Variants in SPIDR observed in about 807,000 individuals in gnomAD.
SPIDR encodes the protein scaffold protein involved in DNA repair, also known as DNA repair-scaffolding protein.
A neutral mutation model predicts 104.6 loss-of-function variants in SPIDR; 93 were observed. The ratio of observed to expected loss-of-function variants is 0.89; its 90% CI spans 0.75 to 1.06. The LOEUF (loss-of-function observed/expected upper bound fraction) is 1.06. Among genes scored for constraint, SPIDR ranks in the 50% least tolerant of loss-of-function variants. The probability of loss-of-function intolerance (pLI) is 0.00; values close to 1 mark genes in which losing one functional copy is unlikely to be tolerated. For missense variants in SPIDR, 1,154 were observed against 1,111.2 expected, an observed-to-expected ratio of 1.04 and a Z score of -0.55; for synonymous variants, 431 against 416.9, an observed-to-expected ratio of 1.03 and a Z score of -0.41.
At chr8:47,389,423 C>T (rs2060309164) in intron 5 of SPIDR, among the ~76,000 whole-genome samples, 1 of 152,136 alleles carries the variant, frequency 6.6e-6, no homozygotes, top group African/African-American at 2.4e-5. Context: ...GGCACGGTGG[C>T]TCACACCTGT....
intron 8 of SPIDR, among the ~76,000 whole-genome samples, chr8:47,495,637 C>A (rs866860442): frequency 1.1e-4 from 16 of 151,960 alleles, no homozygotes; most frequent in African/African-American, 3.9e-4. Flanking sequence ...AATATTTGCT[C>A]CAATTTTTTC....
chr8:47,578,414 A>G (rs531412809), intron 8 of SPIDR, among the ~76,000 whole-genome samples: 3 of 152,144 alleles, frequency 2.0e-5, no homozygotes, highest in East Asian at 3.9e-4. Flanking sequence ...AGAGCTTGCA[A>G]TGAGCAGAGA....
At chr8:47,486,462 G>C (rs1036364103) in intron 8 of SPIDR, among the ~76,000 whole-genome samples, 13 of 152,288 alleles carry the variant, frequency 8.5e-5, no homozygotes, top group African/African-American at 3.1e-4. Context: ...CCCCAACCTA[G>C]TGAGGCAGAC....
chr8:47,474,191 G>A (rs1202608612), intron 8 of SPIDR, among the ~76,000 whole-genome samples: 1 of 152,188 alleles, frequency 6.6e-6, no homozygotes, highest in African/African-American at 2.4e-5. Context: ...TGATTGCTAA[G>A]TGGAGGTCCT....
chr8:47,625,520 A>G (rs2065918885), intron 10 of SPIDR, among the ~76,000 whole-genome samples: 2 of 152,250 alleles, frequency 1.3e-5, no homozygotes, highest in African/African-American at 4.8e-5. Flanking sequence ...CCTTAAGCTG[A>G]TAAGCAACTT....
intron 16 of SPIDR, among the ~76,000 whole-genome samples, chr8:47,719,818 A>G (rs534135530): frequency 6.6e-6 from 1 of 152,188 alleles, no homozygotes; most frequent in Non-Finnish European, 1.5e-5. Flanking sequence ...CCCGCACTCA[A>G]GGAACCCAAT....
intron 10 of SPIDR, among the ~76,000 whole-genome samples, chr8:47,599,611 A>G (rs749552168): frequency 7.2e-5 from 11 of 152,214 alleles, no homozygotes; most frequent in Non-Finnish European, 1.0e-4. Flanking sequence ...AGAGTACTGT[A>G]TCAAACCATC....
chr8:47,384,321 T>A (rs2059642540), intron 5 of SPIDR, among the ~76,000 whole-genome samples: 2 of 152,246 alleles, frequency 1.3e-5, no homozygotes, highest in Non-Finnish European at 2.9e-5. Context: ...ATAGCTTTAC[T>A]GATACTTCTG....
chr8:47,653,990 A>G, intron 10 of SPIDR: 1 of 1,271,824 alleles, frequency 7.9e-7, no homozygotes, highest in Non-Finnish European at 1.0e-6. Context: ...TACTTAGATG[A>G]GTGGGAGTGG....
chr8:47,303,070 C>T (rs1489544898), intron 5 of SPIDR, among the ~76,000 whole-genome samples: 1 of 152,218 alleles, frequency 6.6e-6, no homozygotes, highest in African/African-American at 2.4e-5. Flanking sequence ...AGGCAGGCCT[C>T]CTTGAGCTGT....
chr8:47,652,152 A>T (rs1431853722), intron 10 of SPIDR, among the ~76,000 whole-genome samples: 2 of 152,246 alleles, frequency 1.3e-5, no homozygotes, highest in East Asian at 1.9e-4. Flanking sequence ...ATTAAATAAA[A>T]ACTTTTTAAA....
chr8:47,424,408 G>T (rs1372814289), intron 7 of SPIDR, among the ~76,000 whole-genome samples: 3 of 152,222 alleles, frequency 2.0e-5, no homozygotes, highest in African/African-American at 4.8e-5. Flanking sequence ...GGGCTCAAGG[G>T]CTCCTGCTAC....
intron 11 of SPIDR, among the ~76,000 whole-genome samples, chr8:47,675,800 G>A (rs961426624): frequency 1.3e-5 from 2 of 152,218 alleles, no homozygotes; most frequent in African/African-American, 2.4e-5. Context: ...GTGACAGAGC[G>A]ACACTCTATC....
At chr8:47,454,877 T>C (rs979010408) in intron 8 of SPIDR, among the ~76,000 whole-genome samples, 1 of 150,866 alleles carries the variant, frequency 6.6e-6, no homozygotes, top group Admixed American at 6.6e-5. Context: ...CAAACTGCTG[T>C]CTCAAAAAAA....
At chr8:47,530,434 A>G (rs1007846336) in intron 8 of SPIDR, among the ~76,000 whole-genome samples, 2 of 152,024 alleles carry the variant, frequency 1.3e-5, no homozygotes, top group African/African-American at 4.8e-5. Context: ...ACACTGCGAG[A>G]CTCTGTGTCA....
chr8:47,565,969 C>G (rs2057737468), intron 8 of SPIDR, among the ~76,000 whole-genome samples: 1 of 68,900 alleles, frequency 1.5e-5, no homozygotes, highest in Non-Finnish European at 3.0e-5. Flanking sequence ...GATATTTATA[C>G]TCATATATAT....
At chr8:47,582,136 G>A (rs921886908) in intron 8 of SPIDR, among the ~76,000 whole-genome samples, 1 of 151,532 alleles carries the variant, frequency 6.6e-6, no homozygotes, top group African/African-American at 2.4e-5. Flanking sequence ...AGAATTGCTT[G>A]TACCTGGGAG....
rs988308643 is a variant in SPIDR, at chr8:47,701,582, A to G, written c.1774-139A>G. The G allele has an allele frequency of 5.2e-6, 4 of 776,378 alleles. No individual in the cohort carries two copies. The Admixed American group carries it at 8.1e-5, about 16-fold the overall frequency. The allele number at this position is 776,378 out of a possible 1,614,324, so 48.1% of individuals were successfully genotyped here. A position where few individuals can be genotyped will look rare whatever the true frequency, so the allele number is the denominator to read the frequency against. ...GTCCCAGAAGTAAACAATGCAATCC[A>G]TTCCTTGTATAGCATTCCAGAGAGA... On this transcript the variant is annotated intron_variant, in intron 12 of 19. Coordinates refer to ENST00000297423, the MANE Select transcript of SPIDR (RefSeq NM_001080394.4).
intron 5 of SPIDR, among the ~76,000 whole-genome samples, chr8:47,363,431 C>T (rs912012887): frequency 8.0e-5 from 12 of 149,978 alleles, no homozygotes; most frequent in African/African-American, 2.9e-4. Context: ...TGGTCTCGAT[C>T]TCCTGACCTC....
Sources: gnomAD v4.1 joint callset for allele counts (sites outside exome capture counted in the v4.1 genomes callset) on GRCh38, gnomAD v4.1.1 for gene constraint, MANE v1.5 for transcripts, NCBI Gene and HGNC (gene_info 2026-07-23, HGNC 2026-07-21) for gene names.